ELF4: variants seen among roughly 807,000 people sequenced by gnomAD.
ELF4 encodes E74 like ETS transcription factor 4, also known as ETS-related transcription factor Elf-4.
In ELF4, 10 loss-of-function variants were observed where a neutral mutation model predicts 31.7. The observed-to-expected ratio is 0.32, with a 90% confidence interval of 0.19 to 0.54. The LOEUF (loss-of-function observed/expected upper bound fraction) is 0.54. ELF4 is among the 20% of genes least tolerant of loss of function. The pLI, the probability that ELF4 is intolerant of heterozygous loss-of-function variation, is 0.95. For missense variants in ELF4, 418 were observed against 522.0 expected, an observed-to-expected ratio of 0.80 and a Z score of 1.94; for synonymous variants, 208 against 226.7, an observed-to-expected ratio of 0.92 and a Z score of 0.74.
At chrX:130,071,654 C>T (rs1932789105) in intron 5 of ELF4, among the ~76,000 whole-genome samples, 1 of 112,656 alleles carries the variant, frequency 8.9e-6, no homozygotes, top group Non-Finnish European at 1.9e-5. Context: ...AATAAGTCAC[C>T]TTTGTGAGAA....
intron 7 of ELF4, among the ~76,000 whole-genome samples, chrX:130,070,061 C>T (rs746294514): frequency 8.9e-6 from 1 of 111,827 alleles, no homozygotes; most frequent in Non-Finnish European, 1.9e-5. Context: ...TCAAGCCCAC[C>T]TCCCCGGGTC....
chrX:130,080,027 TCA>T (rs780559092), intron 2 of ELF4, among the ~76,000 whole-genome samples: 23 of 112,162 alleles, frequency 2.1e-4, no homozygotes, highest in African/African-American at 6.8e-4. Flanking sequence ...TTTTCCATCC[TCA>T]CAGGATTTAG....
chrX:130,078,764 CACA>C (rs1932859154), intron 2 of ELF4, among the ~76,000 whole-genome samples: 1 of 45,196 alleles, frequency 2.2e-5, no homozygotes, highest in Non-Finnish European at 3.7e-5. Flanking sequence ...TCTCTCTCTA[CACA>C]CACACACACA....
rs1364932790 is a variant in ELF4 at position 130,069,388 on chromosome X, C to T, written c.1099G>A (p.Gly367Arg). 1.7e-6 allele frequency: 2 copies of T among 1,211,994 alleles called. No homozygotes were observed. Among genetic ancestry groups the T allele is most frequent in the Admixed American group, 4.3e-5 (2 of 46,082 alleles). The change falls in exon 8 of 9, where the codon GGA becomes AGA. Residue 367 changes from glycine (G) to arginine (R), a missense_variant. Around this residue, in one of 4 missense-constraint regions of ELF4, gnomAD observed 260 missense variants for 269.2 expected, o/e 0.97. Transcript: ENST00000308167. ...GGGATCTCCTCGTCTAGCGACGGTC[C>T]CAATTCCAGACTCGCAGATGGCTGG... ...GLQPSASLEL[G>R]PSLDEEIPTT...
intron 1 of ELF4, among the ~76,000 whole-genome samples, chrX:130,099,939 A>G (rs920268501): frequency 3.6e-5 from 4 of 111,505 alleles, no homozygotes; most frequent in Non-Finnish European, 7.5e-5. Context: ...CTGCCTCTTA[A>G]TACATTTTCT....
At chrX:130,082,098 T>C (rs1180370254) in intron 1 of ELF4, among the ~76,000 whole-genome samples, 1 of 111,628 alleles carries the variant, frequency 9.0e-6, no homozygotes, top group Non-Finnish European at 1.9e-5. Flanking sequence ...GTCAGCCTAA[T>C]CTTACCTTGG....
At chrX:130,081,953 C>T (rs777210282) in intron 1 of ELF4, among the ~76,000 whole-genome samples, 59 of 111,920 alleles carry the variant, frequency 5.3e-4, no homozygotes, top group African/African-American at 1.7e-3. Flanking sequence ...GCCTCGTGGA[C>T]GAGGCAGCAG....
chrX:130,083,440 G>A (rs1454853897), intron 1 of ELF4, among the ~76,000 whole-genome samples: 2 of 104,865 alleles, frequency 1.9e-5, no homozygotes, highest in East Asian at 6.5e-4. Context: ...CCTGCCCCCA[G>A]GAAACATTCT....
chrX:130,067,422 C>A lies in ELF4; in HGVS notation c.1291G>T (p.Gly431Trp). 8.3e-7 allele frequency: 1 copy of A among 1,212,030 alleles called. No homozygotes were observed. The highest frequency in any genetic ancestry group is 1.7e-5 in the African/African-American group (1 of 57,873). ...TIPLTTVLTN[G>W]PPASTTAPTQ... is the part of the protein sequence containing the mutation. ...GGAGCAGTAGTACTGGCAGGAGGCC[C>A]ATTGGTCAGCACCGTGGTCAGTGGG... is the stretch of plus-strand genomic sequence containing the variant. The change falls in exon 9 of 9, where the codon GGG becomes TGG. Residue 431 changes from glycine to tryptophan, a missense_variant. This residue lies in a region of ELF4 where 260 missense variants were observed against 269.2 expected (regional missense o/e 0.97). Transcript: ENST00000308167.
At chrX:130,091,950 T>A (rs953194881) in intron 1 of ELF4, among the ~76,000 whole-genome samples, 2 of 112,135 alleles carry the variant, frequency 1.8e-5, no homozygotes, top group African/African-American at 6.5e-5. Flanking sequence ...TCTGCCCAGC[T>A]GTGGTTTTCC....
At chrX:130,080,423 CAA>C (rs3077212) in intron 2 of ELF4, among the ~76,000 whole-genome samples, 15 of 56,317 alleles carry the variant, frequency 2.7e-4, no homozygotes, top group East Asian at 1.2e-3. Flanking sequence ...GACTTCGTTT[CAA>C]AAAAAAAAAA....
intron 1 of ELF4, among the ~76,000 whole-genome samples, chrX:130,082,044 C>A (rs1008411927): frequency 1.3e-4 from 15 of 111,560 alleles, no homozygotes; most frequent in African/African-American, 4.6e-4. Context: ...TATCTGTATA[C>A]CCACTCTGTA....
At chrX:130,090,329 C>T (rs1480350539) in intron 1 of ELF4, among the ~76,000 whole-genome samples, 2 of 109,015 alleles carry the variant, frequency 1.8e-5, no homozygotes, top group East Asian at 5.7e-4. Context: ...GCCAAGATCA[C>T]GCCACTGCAC....
intron 1 of ELF4, among the ~76,000 whole-genome samples, chrX:130,096,137 G>A (rs1474039195): frequency 3.6e-5 from 4 of 111,836 alleles, no homozygotes; most frequent in Non-Finnish European, 7.5e-5. Context: ...ATACTAATGG[G>A]TATGGGATTT....
intron 1 of ELF4, among the ~76,000 whole-genome samples, chrX:130,096,734 C>A (rs992414497): frequency 1.8e-5 from 2 of 111,222 alleles, no homozygotes; most frequent in Non-Finnish European, 3.8e-5. Context: ...GTTTCCTCCT[C>A]CCAGCCTCCC....
rs1932607195 is a variant in ELF4 at position 130,063,967 on chromosome X, TGA to T, written c.*2752_*2753del. 1.3e-5 allele frequency among the ~76,000 whole-genome samples: 1 copy of T among 77,934 alleles called. No individual in the cohort carries two copies. Among genetic ancestry groups the T allele is most frequent in the Admixed American group, 1.5e-4 (1 of 6,473 alleles). 67.7% of individuals were successfully genotyped at this position (77,934 alleles called of 115,157 possible). On this transcript the variant is annotated 3_prime_UTR_variant, in exon 9 of 9. Transcript: ENST00000308167. ...AGTCGTGACGGCCTTTTTGTTTGCT[TGA>T]TTTTTATTATTATTATTATTATTAT...
chrX:130,070,289 G>C (rs1932768609), intron 7 of ELF4, among the ~76,000 whole-genome samples: 2 of 111,118 alleles, frequency 1.8e-5, no homozygotes, highest in Admixed American at 9.6e-5. Flanking sequence ...TACAAAAAAT[G>C]AGGCCAGGCG....
In ELF4 at chrX:130,067,286, G is replaced by A. The variant is rs746482368; in HGVS notation, c.1427C>T (p.Ala476Val). Residue 476 changes from alanine (A) to valine (V), a missense_variant, in exon 9 of 9, where the codon GCC becomes GTC. Ala to Val is a moderately conservative substitution (Grantham distance 64). Transcript: ENST00000308167. The part of the protein sequence containing the change: ...NASFQDSQVA[A>V]PGAPLILSGL... ...ACTGAGAATCAGTGGAGCCCCTGGG[G>A]CTGCCACCTGGCTGTCTTGGAAACT... 7.4e-6 allele frequency: 9 copies of A among 1,210,815 alleles called. No homozygotes were observed. The Admixed American group carries it at 2.0e-4, about 26-fold the overall frequency.
At chrX:130,098,769 G>C (rs893970777) in intron 1 of ELF4, among the ~76,000 whole-genome samples, 2 of 112,180 alleles carry the variant, frequency 1.8e-5, no homozygotes, top group African/African-American at 3.2e-5. Context: ...TGAAGATGCT[G>C]AGGGTGACAG....
Sources: gnomAD v4.1 joint callset for allele counts (sites outside exome capture counted in the v4.1 genomes callset) on GRCh38, gnomAD v4.1.1 for gene constraint, gnomAD v4.1.1 regional missense constraint, MANE v1.5 for transcripts, NCBI Gene and HGNC (gene_info 2026-07-23, HGNC 2026-07-21) for gene names.